TBKBP1: variants seen among roughly 807,000 people sequenced by gnomAD.
TBKBP1 encodes the protein TANK-binding kinase 1-binding protein 1.
TBKBP1 carries 47 observed loss-of-function variants against 69.9 expected under a neutral mutation model. That is an observed-to-expected ratio of 0.67 (90% confidence interval 0.53 to 0.86). The LOEUF (loss-of-function observed/expected upper bound fraction) is 0.86. TBKBP1 is among the 40% of genes least tolerant of loss of function. The pLI is 0.00. For synonymous variants in TBKBP1, 418 were observed against 390.3 expected (o/e 1.07, Z -0.84); for missense variants, 831 against 858.6 (o/e 0.97, Z 0.40).
intron 7 of TBKBP1, among the ~76,000 whole-genome samples, chr17:47,700,289 C>CTTTTTTTTTTTT (rs774797034): frequency 0.015 from 641 of 41,400 alleles, 99 homozygotes; most frequent in African/African-American, 0.029. Context: ...GCGCCCGGAC[C>CTTTTTTTTTTTT]TTTTTTTTTT....
chr17:47,706,505 G>T (rs2031700944), intron 7 of TBKBP1, among the ~76,000 whole-genome samples: 1 of 152,162 alleles, frequency 6.6e-6, no homozygotes, highest in Non-Finnish European at 1.5e-5. Flanking sequence ...GATGGAGGCT[G>T]CAGGGTCTCA....
chr17:47,699,938 T>TC (rs2031425834), intron 7 of TBKBP1, among the ~76,000 whole-genome samples: 1 of 151,336 alleles, frequency 6.6e-6, no homozygotes, highest in Non-Finnish European at 1.5e-5. Context: ...TTCTCCTGCC[T>TC]CAGCCTCCCG....
intron 7 of TBKBP1, among the ~76,000 whole-genome samples, chr17:47,705,654 G>A (rs925255255): frequency 2.0e-5 from 3 of 152,260 alleles, no homozygotes; most frequent in Non-Finnish European, 4.4e-5. Flanking sequence ...GCAACTCTTG[G>A]TTGTGTTGTG....
rs758509579 is a variant in TBKBP1, at chr17:47,709,159, C to T, written c.1426C>T (p.Pro476Ser). Residue 476 changes from proline to serine, a missense_variant, in exon 9 of 10, where the codon CCG becomes TCG. Physicochemically the swap from Pro to Ser is moderately conservative, Grantham distance 74 (BLOSUM62 -1). Transcript: ENST00000578982. ...GGGCGCGGCCTACGCGGGCGCCTCC[C>T]CGCCCTGGCTGCAGGCCGAAGCGGC... ...AEGAAYAGAS[P>S]PWLQAEAATL... 26 of 1,428,762 alleles carry T rather than the reference C, an allele frequency of 1.8e-5. No individual in the cohort carries two copies. The highest frequency in any genetic ancestry group is 2.2e-4 in the Middle Eastern group (1 of 4,500). 88.5% of individuals were successfully genotyped at this position (1,428,762 alleles called of 1,614,324 possible). A position where few individuals can be genotyped will look rare whatever the true frequency, so the allele number is the denominator to read the frequency against.
In TBKBP1 at chr17:47,697,120, T is replaced by C; in HGVS notation, c.380T>C (p.Leu127Pro). Residue 127 changes from leucine (L) to proline (P), a missense_variant, in exon 4 of 10, where the codon CTT (leucine) becomes CCT (proline). Transcript: ENST00000578982. ...AAGAACAAGGAGCAGGAAGAACAGC[T>C]TGGAGAGATGATCCAGGCCTACGAG... Reference protein sequence around the residue: ...LQKNKEQEEQLGEMIQAYEKL... With the variant: ...LQKNKEQEEQPGEMIQAYEKL... 6.2e-7 allele frequency: 1 copy of C among 1,612,686 alleles called. No individual in the cohort carries two copies. The highest frequency in any genetic ancestry group is 1.7e-5 in the Admixed American group (1 of 59,846).
chr17:47,711,915 G>T lies in TBKBP1; in HGVS notation c.*1289G>T. 1 of 152,828 alleles carries T rather than the reference G, an allele frequency of 6.5e-6. No homozygotes were observed. The allele number at this position is 152,828 out of a possible 1,614,324, so 9.5% of individuals were successfully genotyped here. ...GGGAGTGAAGGGGTATGTCAGGCGG[G>T]GAAGGGGCCAAGGACACGTCATTGT... On this transcript the variant is annotated 3_prime_UTR_variant, in exon 10 of 10. Coordinates refer to ENST00000578982, the MANE Select transcript of TBKBP1 (RefSeq NM_001394755.1).
chr17:47,701,744 T>C (rs1292285867), intron 7 of TBKBP1, among the ~76,000 whole-genome samples: 1 of 152,188 alleles, frequency 6.6e-6, no homozygotes, highest in African/African-American at 2.4e-5. Context: ...AAGCCCACCC[T>C]ATAAGGGGCT....
chr17:47,701,513 A>G (rs183808248), intron 7 of TBKBP1, among the ~76,000 whole-genome samples: 27 of 152,256 alleles, frequency 1.8e-4, no homozygotes, highest in Admixed American at 1.8e-3. Context: ...GTAGAACTCC[A>G]AGGGAGGACA....
intron 1 of TBKBP1, chr17:47,695,183 T>C (rs1318286599): frequency 6.5e-6 from 1 of 152,836 alleles, no homozygotes; most frequent in Admixed American, 6.5e-5. Context: ...AAGGCACTCA[T>C]TGACTGACAC....
chr17:47,699,779 C>A (rs1266155247), intron 7 of TBKBP1, 82 bp downstream of exon 7: 18 of 1,515,690 alleles, frequency 1.2e-5, no homozygotes, highest in Non-Finnish European at 1.6e-5. Context: ...GGTGTCTGGG[C>A]TGCTGTTGCT....
chr17:47,696,150 C>A lies in TBKBP1; in HGVS notation c.38C>A (p.Thr13Lys), dbSNP rs774960661. 1.2e-6 allele frequency: 2 copies of A among 1,613,200 alleles called. No individual in the cohort carries two copies. Among genetic ancestry groups the A allele is most frequent in the African/African-American group, 1.3e-5 (1 of 75,040 alleles). ...TTCGAGGACGACATCAGCATCCTGACGCAGGAGGCCCTGGGGCCTAGTGAG... is the reference window on the plus strand; with the variant it reads ...TTCGAGGACGACATCAGCATCCTGAAGCAGGAGGCCCTGGGGCCTAGTGAG... ...SMFEDDISIL[T>K]QEALGPSEVW... The change falls in exon 2 of 10, where the codon ACG becomes AAG. Residue 13 changes from threonine (T) to lysine (K), a missense_variant. Transcript: ENST00000578982.
chr17:47,709,094 C>T lies in TBKBP1; in HGVS notation c.1361C>T (p.Ala454Val). Reference sequence around the variant, plus strand: ...AAGCCGCCCAGCCACCACGTGAAGGCCGGCTTCCAGGGCCGCCGCAGCTAC... The same window carrying T: ...AAGCCGCCCAGCCACCACGTGAAGGTCGGCTTCCAGGGCCGCCGCAGCTAC... ...YAKPPSHHVK[A>V]GFQGRRSYSE... Residue 454 changes from alanine (A) to valine (V), a missense_variant, in exon 9 of 10, where the codon GCC becomes GTC. By Grantham distance (64) the Ala-to-Val change is moderately conservative (BLOSUM62 0). Coordinates refer to ENST00000578982, the MANE Select transcript of TBKBP1 (RefSeq NM_001394755.1). 1 of 1,361,036 alleles carries T rather than the reference C, an allele frequency of 7.3e-7. No individual in the cohort carries two copies. Among genetic ancestry groups the T allele is most frequent in the Admixed American group, 3.9e-5 (1 of 25,530 alleles). The allele number at this position is 1,361,036 out of a possible 1,614,324, so 84.3% of individuals were successfully genotyped here.
chr17:47,698,015 C>G (rs2031320976), intron 4 of TBKBP1, among the ~76,000 whole-genome samples: 1 of 150,320 alleles, frequency 6.7e-6, no homozygotes, highest in East Asian at 2.0e-4. Flanking sequence ...GCTATGACCT[C>G]AGTTAAGTCA....
Position 47,709,107 on chromosome 17 carries a change from C to A in TBKBP1, c.1374C>A (p.Gly458=), listed in dbSNP as rs2031818207. 2.4e-5 allele frequency: 33 copies of A among 1,365,030 alleles called. No individual in the cohort carries two copies. The highest frequency in any genetic ancestry group is 3.1e-5 in the Non-Finnish European group (33 of 1,064,808). 84.6% of individuals were successfully genotyped at this position (1,365,030 alleles called of 1,614,324 possible). Residue 458 remains glycine (G), a synonymous_variant, in exon 9 of 10, where the codon GGC becomes GGA. Coordinates refer to ENST00000578982, the MANE Select transcript of TBKBP1 (RefSeq NM_001394755.1). ...ACCACGTGAAGGCCGGCTTCCAGGG[C>A]CGCCGCAGCTACTCTGAGCTGGCGG... ...PSHHVKAGFQ[G]RRSYSELAEG...
Position 47,708,685 on chromosome 17 carries a change from G to C in TBKBP1, c.992-40G>C. Reference sequence around the variant, plus strand: ...GCTCCAGTTCTGAGGTCTTCTCTCTGCACCTTTGTCCCCCCACCCCGTCCC... The same window carrying C: ...GCTCCAGTTCTGAGGTCTTCTCTCTCCACCTTTGTCCCCCCACCCCGTCCC... On this transcript the variant is annotated intron_variant, in intron 8 of 9. Coordinates refer to ENST00000578982, the MANE Select transcript of TBKBP1 (RefSeq NM_001394755.1). The surrounding 1 kb of genome is among the most constrained non-coding windows in gnomAD (Gnocchi z 4.4). The C allele has an allele frequency of 1.4e-6, 2 of 1,480,426 alleles. No individual in the cohort carries two copies. Among genetic ancestry groups the C allele is most frequent in the Non-Finnish European group, 1.8e-6 (2 of 1,119,520 alleles). The allele number at this position is 1,480,426 out of a possible 1,614,324, so 91.7% of individuals were successfully genotyped here.
chr17:47,703,468 C>A (rs537801631), intron 7 of TBKBP1, among the ~76,000 whole-genome samples: 3 of 152,350 alleles, frequency 2.0e-5, no homozygotes, highest in South Asian at 4.1e-4. Flanking sequence ...AGGGCACCCG[C>A]GCTGCACTCA....
Position 47,708,523 on chromosome 17 carries a change from G to A in TBKBP1, c.991+11G>A, listed in dbSNP as rs2031778349. The stretch of plus-strand genomic sequence containing the variant: ...AGGCCCGGAGTGGCGGTGAGATGGG[G>A]CAGGGCAGGGGGAGGCAGCCGCGGG... On this transcript the variant is annotated intron_variant, in intron 8 of 9. Transcript: ENST00000578982. The surrounding 1 kb of genome is among the most constrained non-coding windows in gnomAD (Gnocchi z 4.4). 2 of 1,613,106 alleles carry A rather than the reference G, an allele frequency of 1.2e-6. No individual in the cohort carries two copies. Among genetic ancestry groups the A allele is most frequent in the Non-Finnish European group, 1.7e-6 (2 of 1,179,450 alleles).
intron 7 of TBKBP1, among the ~76,000 whole-genome samples, chr17:47,701,374 C>CAT (rs1220664126): frequency 6.0e-5 from 9 of 150,338 alleles, no homozygotes; most frequent in African/African-American, 2.0e-4. Context: ...CACACACACA[C>CAT]ACACTCTCTC....
At position 47,711,934 on chromosome 17, in the gene TBKBP1, T is replaced by G. The variant is rs966598681; in HGVS notation, c.*1308T>G. ...AGGCGGGGAAGGGGCCAAGGACACG[T>G]CATTGTACCCTGAGCGTCCCCAGGG... On this transcript the variant is annotated 3_prime_UTR_variant, in exon 10 of 10. Coordinates refer to ENST00000578982, the MANE Select transcript of TBKBP1 (RefSeq NM_001394755.1). 2 of 152,558 alleles carry G rather than the reference T, an allele frequency of 1.3e-5. No homozygotes were observed. The highest frequency in any genetic ancestry group is 2.9e-5 in the Non-Finnish European group (2 of 68,122). 9.5% of individuals were successfully genotyped at this position (152,558 alleles called of 1,614,324 possible). A position where few individuals can be genotyped will look rare whatever the true frequency, so the allele number is the denominator to read the frequency against.
Sources: gnomAD v4.1 joint callset for allele counts (sites outside exome capture counted in the v4.1 genomes callset) on GRCh38, gnomAD v4.1.1 for gene constraint, Gnocchi (gnomAD v3.1) non-coding constraint, MANE v1.5 for transcripts, NCBI Gene and HGNC (gene_info 2026-07-23, HGNC 2026-07-21) for gene names.